Variants in CNTNAP2 observed in about 807,000 individuals in gnomAD.
CNTNAP2 encodes the protein contactin associated protein 2, also known as contactin-associated protein-like 2.
A neutral mutation model predicts 155.2 loss-of-function variants in CNTNAP2; 98 were observed. The observed-to-expected ratio is 0.63, with a 90% CI of 0.54 to 0.75. The LOEUF is 0.75. Ranked by LOEUF, CNTNAP2 falls within the 30% of genes least tolerant of loss-of-function variation. CNTNAP2 has a pLI of 0.00. For missense variants in CNTNAP2, 1,727 were observed against 1,688.1 expected (o/e 1.02, Z -0.40); for synonymous variants, 651 against 631.2 (o/e 1.03, Z -0.47).
At chr7:147,340,851 T>G (rs750583016) in intron 9 of CNTNAP2, among the ~76,000 whole-genome samples, 7 of 152,134 alleles carry the variant, frequency 4.6e-5, no homozygotes, top group Non-Finnish European at 8.8e-5. Flanking sequence ...GTCTAAATAC[T>G]GCTTGCTCTG....
intron 2 of CNTNAP2, among the ~76,000 whole-genome samples, chr7:146,788,215 G>T (rs1322831649): frequency 6.6e-6 from 1 of 152,236 alleles, no homozygotes; most frequent in Non-Finnish European, 1.5e-5. Context: ...AGAGCAGAGG[G>T]AGCGGACTCT....
In CNTNAP2 at chr7:148,215,683, G is replaced by A. The variant is rs1029941475; in HGVS notation, c.3011-1605G>A. On this transcript the variant is annotated intron_variant, in intron 18 of 23. Transcript: ENST00000361727. ...TTTCCTGAGCACTTATATATTCCGG[G>A]CACTAAGCTGTGTATTATATAGTTT... 3.9e-5 allele frequency among the ~76,000 whole-genome samples: 6 copies of A among 151,922 alleles called. No individual in the cohort carries two copies. The East Asian group carries it at 5.8e-4, about 15-fold the overall frequency.
chr7:146,600,151 A>G (rs943793499), intron 1 of CNTNAP2, among the ~76,000 whole-genome samples: 4 of 152,038 alleles, frequency 2.6e-5, no homozygotes, highest in Non-Finnish European at 4.4e-5. Context: ...TTCGTAAGCA[A>G]CACTCCATAA....
At chr7:147,884,900 G>A (rs1480637418) in intron 13 of CNTNAP2, among the ~76,000 whole-genome samples, 2 of 132,574 alleles carry the variant, frequency 1.5e-5, no homozygotes, top group Middle Eastern at 4.1e-3. Flanking sequence ...AGTTTGATGT[G>A]TTATAAACAA....
At chr7:146,128,721 T>C (rs1584762686) in intron 1 of CNTNAP2, among the ~76,000 whole-genome samples, 2 of 152,282 alleles carry the variant, frequency 1.3e-5, no homozygotes, top group Middle Eastern at 6.8e-3. Context: ...TAGCTCTGTA[T>C]ACAAATTGTT....
intron 1 of CNTNAP2, among the ~76,000 whole-genome samples, chr7:146,186,720 G>A (rs1172074588): frequency 6.6e-6 from 1 of 152,092 alleles, no homozygotes; most frequent in Non-Finnish European, 1.5e-5. Context: ...TATTATGGAA[G>A]ACAAATCTGA....
chr7:147,737,718 C>T (rs950269684), intron 13 of CNTNAP2, among the ~76,000 whole-genome samples: 28 of 152,280 alleles, frequency 1.8e-4, no homozygotes, highest in African/African-American at 6.0e-4. Flanking sequence ...TCAGCAATGG[C>T]GGGCACCCCT....
chr7:147,897,063 A>G (rs1799787819), intron 13 of CNTNAP2: 1 of 152,046 alleles, frequency 6.6e-6, no homozygotes, highest in South Asian at 2.1e-4. Context: ...GCTTCTGAGC[A>G]CTCTCTGAAG....
intron 8 of CNTNAP2, among the ~76,000 whole-genome samples, chr7:147,145,362 G>A (rs1801681724): frequency 6.6e-6 from 1 of 152,040 alleles, no homozygotes; most frequent in Admixed American, 6.6e-5. Flanking sequence ...GATGCTACTG[G>A]CACACAATGA....
chr7:147,657,140 C>T (rs140105013), intron 13 of CNTNAP2, among the ~76,000 whole-genome samples: 2,518 of 152,190 alleles, frequency 0.017, 215 homozygotes, highest in Admixed American at 0.15. Flanking sequence ...ATACACAGAG[C>T]TTATTTGAAA....
At chr7:146,963,388 T>C (rs1294647413) in intron 3 of CNTNAP2, among the ~76,000 whole-genome samples, 3 of 152,332 alleles carry the variant, frequency 2.0e-5, no homozygotes, top group African/African-American at 4.8e-5. Context: ...TTAAAAATCT[T>C]TGATAGAGGA....
intron 14 of CNTNAP2, among the ~76,000 whole-genome samples, chr7:147,959,551 C>T (rs1801080350): frequency 6.6e-6 from 1 of 152,174 alleles, no homozygotes; most frequent in Non-Finnish European, 1.5e-5. Context: ...GGCTACCCCA[C>T]AGGCAGTGTG....
At chr7:147,457,113 G>A (rs1158767782) in intron 10 of CNTNAP2, among the ~76,000 whole-genome samples, 2 of 151,986 alleles carry the variant, frequency 1.3e-5, no homozygotes, top group Middle Eastern at 3.2e-3. Flanking sequence ...GTTCTCATAT[G>A]TCTATTCCAA....
At chr7:148,084,606 G>C (rs1803682563) in intron 15 of CNTNAP2, among the ~76,000 whole-genome samples, 1 of 151,558 alleles carries the variant, frequency 6.6e-6, no homozygotes, top group South Asian at 2.1e-4. Context: ...GAAGGGAATG[G>C]CATTTTAATG....
At chr7:146,921,665 C>T (rs182570937) in intron 3 of CNTNAP2, among the ~76,000 whole-genome samples, 5 of 152,176 alleles carry the variant, frequency 3.3e-5, no homozygotes, top group East Asian at 1.9e-4. Flanking sequence ...GAAATCACCT[C>T]ACGATTCAAT....
At chr7:147,152,285 T>G (rs1801842556) in intron 8 of CNTNAP2, among the ~76,000 whole-genome samples, 1 of 151,846 alleles carries the variant, frequency 6.6e-6, no homozygotes, top group Admixed American at 6.6e-5. Context: ...TAAAATATAT[T>G]GAGTAATAAA....
chr7:146,952,280 A>G (rs1797331941), intron 3 of CNTNAP2, among the ~76,000 whole-genome samples: 1 of 152,288 alleles, frequency 6.6e-6, no homozygotes, highest in African/African-American at 2.4e-5. Context: ...AACATATCTC[A>G]AAATAATAAG....
At chr7:146,806,061 T>C (rs1298402236) in intron 2 of CNTNAP2, among the ~76,000 whole-genome samples, 1 of 152,154 alleles carries the variant, frequency 6.6e-6, no homozygotes, top group South Asian at 2.1e-4. Flanking sequence ...TCCTTGCTGC[T>C]CCATGATAGT....
At chr7:146,303,835 T>C (rs1395013048) in intron 1 of CNTNAP2, among the ~76,000 whole-genome samples, 1 of 152,122 alleles carries the variant, frequency 6.6e-6, no homozygotes, top group Admixed American at 6.6e-5. Context: ...TAACTTTCTG[T>C]CTCGTTGATC....
Sources: gnomAD v4.1 joint callset for allele counts (sites outside exome capture counted in the v4.1 genomes callset) on GRCh38, gnomAD v4.1.1 for gene constraint, MANE v1.5 for transcripts, NCBI Gene and HGNC (gene_info 2026-07-23, HGNC 2026-07-21) for gene names.